Variants in SLC35G5 observed in about 807,000 individuals in gnomAD.
SLC35G5 encodes the protein solute carrier family 35 member G5.
A neutral mutation model predicts 17.6 loss-of-function variants in SLC35G5; 14 were observed. That is an observed-to-expected ratio of 0.79 (90% CI 0.52 to 1.24). The LOEUF (loss-of-function observed/expected upper bound fraction) is 1.24. Among genes scored for constraint, SLC35G5 ranks in the 50% most tolerant of loss-of-function variants. The probability of loss-of-function intolerance (pLI) is 0.00; values close to 1 mark genes in which losing one functional copy is unlikely to be tolerated. For synonymous variants in SLC35G5, 236 were observed against 194.9 expected (o/e 1.21, Z -1.76); for missense variants, 541 against 430.3 (o/e 1.26, Z -2.28).
In SLC35G5 at chr8:11,332,024, A is replaced by G. The variant is rs74495029; in HGVS notation, c.918A>G (p.Ala306=). ...ATTATATGCTCCATGAGACTGTGGC[A>G]CTTTCTGACATCATGGGGGCAGGGG... The part of the protein sequence containing the change: ...LQYYMLHETV[A]LSDIMGAGVV... The change falls in exon 1 of 1, where the codon GCA becomes GCG. Residue 306 remains alanine, a synonymous_variant. Coordinates refer to ENST00000382435, the MANE Select transcript of SLC35G5 (RefSeq NM_054028.2). 4 of 1,611,184 alleles carry G rather than the reference A, an allele frequency of 2.5e-6. No individual in the cohort carries two copies. The highest frequency in any genetic ancestry group is 3.4e-6 in the Non-Finnish European group (4 of 1,179,730).
At position 11,331,706 on chromosome 8, in the gene SLC35G5, C is replaced by T; in HGVS notation, c.600C>T (p.Gly200=). The T allele has an allele frequency of 8.8e-6, 14 of 1,595,044 alleles. No individual in the cohort carries two copies. Among genetic ancestry groups the T allele is most frequent in the Admixed American group, 1.7e-5 (1 of 59,406 alleles). ...TLGYVQAFLG[G]LALSLGLLVY... ...GCTATGTGCAGGCTTTCCTGGGAGG[C>T]CTGGCGCTGTCCCTGGGGCTTCTGG... The change falls in exon 1 of 1, where the codon GGC becomes GGT. Residue 200 remains glycine, a synonymous_variant. Transcript: ENST00000382435.
rs763548928 is a variant in SLC35G5 at position 11,331,507 on chromosome 8, G to A, written c.401G>A (p.Arg134His). ...VVPAGNAATV[R>H]KGSSTVCSAV... is the part of the protein sequence containing the mutation. ...CCCGCTGGCAACGCTGCCACTGTTC[G>A]CAAAGGTTCTTCCACCGTATGCTCC... is the stretch of plus-strand genomic sequence containing the variant. The change falls in exon 1 of 1, where the codon CGC becomes CAC. Residue 134 changes from arginine to histidine, a missense_variant. Physicochemically the swap from Arg to His is conservative, Grantham distance 29 (BLOSUM62 0). Coordinates refer to ENST00000382435, the MANE Select transcript of SLC35G5 (RefSeq NM_054028.2). The A allele has an allele frequency of 2.0e-5, 32 of 1,613,808 alleles. No homozygotes were observed. The highest frequency in any genetic ancestry group is 8.0e-5 in the African/African-American group (6 of 74,894).
Position 11,331,612 on chromosome 8 carries a change from T to A in SLC35G5, c.506T>A (p.Leu169Gln), listed in dbSNP as rs1174702556. The part of the protein sequence containing the change: ...WCGLLGSILG[L>Q]IIILGPGLWT... ...GGACTGTTGGGCAGCATCCTAGGAC[T>A]AATCATCATTCTGGGACCTGGACTC... The change falls in exon 1 of 1, where the codon CTA becomes CAA. Residue 169 changes from leucine to glutamine, a missense_variant. Leu to Gln is a moderately radical substitution (Grantham distance 113, BLOSUM62 -2). Coordinates refer to ENST00000382435, the MANE Select transcript of SLC35G5 (RefSeq NM_054028.2). The A allele has an allele frequency of 6.2e-7, 1 of 1,613,334 alleles. No individual in the cohort carries two copies. Among genetic ancestry groups the A allele is most frequent in the East Asian group, 2.2e-5 (1 of 44,854 alleles).
rs563824100 is a variant in SLC35G5 at position 11,331,182 on chromosome 8, C to T, written c.76C>T (p.Arg26Cys). The change falls in exon 1 of 1, where the codon CGC becomes TGC. Residue 26 changes from arginine to cysteine, a missense_variant. Coordinates refer to ENST00000382435, the MANE Select transcript of SLC35G5 (RefSeq NM_054028.2). ...GCCGCCCTCCGCTCCACCCAGCCTC[C>T]GCTGGCACCAGCGCTGCCAGCCCTC... is the stretch of plus-strand genomic sequence containing the variant. ...PSPPSAPPSL[R>C]WHQRCQPSGA... 3.3e-5 allele frequency: 53 copies of T among 1,613,706 alleles called. No homozygotes were observed. Among genetic ancestry groups the T allele is most frequent in the South Asian group, 7.7e-5 (7 of 91,038 alleles).
At position 11,331,494 on chromosome 8, in the gene SLC35G5, G is replaced by A. The variant is rs371988010; in HGVS notation, c.388G>A (p.Ala130Thr). The A allele has an allele frequency of 4.1e-5, 66 of 1,613,836 alleles. No homozygotes were observed. The African/African-American group carries it at 4.7e-4, about 11-fold the overall frequency. ...SAVQVVPAGN[A>T]ATVRKGSSTV... Reference sequence around the variant, plus strand: ...AGTTCAGGTGGTGCCCGCTGGCAACGCTGCCACTGTTCGCAAAGGTTCTTC... The same window carrying A: ...AGTTCAGGTGGTGCCCGCTGGCAACACTGCCACTGTTCGCAAAGGTTCTTC... The change falls in exon 1 of 1, where the codon GCT becomes ACT. Residue 130 changes from alanine to threonine, a missense_variant. By Grantham distance (58) the Ala-to-Thr change is moderately conservative (BLOSUM62 0). Coordinates refer to ENST00000382435, the MANE Select transcript of SLC35G5 (RefSeq NM_054028.2).
Position 11,332,245 on chromosome 8 carries a change from T to C in SLC35G5, c.*122T>C. 1.4e-6 allele frequency: 2 copies of C among 1,403,210 alleles called. No individual in the cohort carries two copies. 86.9% of individuals were successfully genotyped at this position (1,403,210 alleles called of 1,614,324 possible). On this transcript the variant is annotated 3_prime_UTR_variant, in exon 1 of 1. Transcript: ENST00000382435. Reference sequence around the variant, plus strand: ...TAAATCCTAGGAAAGAGTGAAAGTCTAACTTCCATAGCACATTATAATATT... The same window carrying C: ...TAAATCCTAGGAAAGAGTGAAAGTCCAACTTCCATAGCACATTATAATATT...
In SLC35G5 at chr8:11,331,135, T is replaced by A. The variant is rs1328699627; in HGVS notation, c.29T>A (p.Leu10Gln). 1 of 1,606,168 alleles carries A rather than the reference T, an allele frequency of 6.2e-7. No individual in the cohort carries two copies. The highest frequency in any genetic ancestry group is 8.5e-7 in the Non-Finnish European group (1 of 1,175,858). Residue 10 changes from leucine to glutamine, a missense_variant, in exon 1 of 1, where the codon CTG becomes CAG. Leu to Gln is a moderately radical substitution (Grantham distance 113). Coordinates refer to ENST00000382435, the MANE Select transcript of SLC35G5 (RefSeq NM_054028.2). MAGSHPYFN[L>Q]PDSTHPSPPS... Reference sequence around the variant, plus strand: ...GCTGGCAGTCACCCCTACTTCAACCTGCCTGACTCCACACACCCATCGCCG... The same window carrying A: ...GCTGGCAGTCACCCCTACTTCAACCAGCCTGACTCCACACACCCATCGCCG...
In SLC35G5 at chr8:11,331,710, GC is replaced by G. The variant is rs758403343; in HGVS notation, c.605del (p.Ala202GlyfsTer50). ...GYVQAFLGGL[A>X]LSLGLLVYRS... is the part of the protein sequence containing the mutation. ...TGTGCAGGCTTTCCTGGGAGGCCTG[GC>G]GCTGTCCCTGGGGCTTCTGGTCTAT... On this transcript the variant is annotated frameshift_variant, in exon 1 of 1. Coordinates refer to ENST00000382435, the MANE Select transcript of SLC35G5 (RefSeq NM_054028.2). LOFTEE classifies it high-confidence loss of function. The G allele has an allele frequency of 2.5e-6, 4 of 1,611,962 alleles. No homozygotes were observed. The highest frequency in any genetic ancestry group is 3.4e-6 in the Non-Finnish European group (4 of 1,179,840).
chr8:11,332,003 T>C lies in SLC35G5; in HGVS notation c.897T>C (p.Tyr299=), dbSNP rs1407087393. ...TTGTGGCCCTTATACTGCAGTATTATATGCTCCATGAGACTGTGGCACTTT... is the reference window on the plus strand; with the variant it reads ...TTGTGGCCCTTATACTGCAGTATTACATGCTCCATGAGACTGTGGCACTTT... ...EVVVALILQY[Y]MLHETVALSD... Residue 299 remains tyrosine, a synonymous_variant, in exon 1 of 1, where the codon TAT becomes TAC. Coordinates refer to ENST00000382435, the MANE Select transcript of SLC35G5 (RefSeq NM_054028.2). The C allele has an allele frequency of 7.4e-6, 12 of 1,611,904 alleles. No individual in the cohort carries two copies. Among genetic ancestry groups the C allele is most frequent in the Middle Eastern group, 2.3e-4 (1 of 4,430 alleles).
rs546560690 is a variant in SLC35G5, at chr8:11,331,686, G to A, written c.580G>A (p.Val194Met). 2.5e-6 allele frequency: 4 copies of A among 1,612,064 alleles called. No individual in the cohort carries two copies. The highest frequency in any genetic ancestry group is 2.7e-5 in the African/African-American group (2 of 74,978). Residue 194 changes from valine to methionine, a missense_variant, in exon 1 of 1, where the codon GTG becomes ATG. Coordinates refer to ENST00000382435, the MANE Select transcript of SLC35G5 (RefSeq NM_054028.2). ...TTGVYTTLGYVQAFLGGLALS... is the reference protein window; with the variant it reads ...TTGVYTTLGYMQAFLGGLALS... ...AGGTGTCTACACCACCCTGGGCTAT[G>A]TGCAGGCTTTCCTGGGAGGCCTGGC... is the stretch of plus-strand genomic sequence containing the variant.
Position 11,332,263 on chromosome 8 carries a change from A to T in SLC35G5, c.*140A>T. The T allele has an allele frequency of 1.5e-6, 2 of 1,328,886 alleles. No homozygotes were observed. The highest frequency in any genetic ancestry group is 2.0e-6 in the Non-Finnish European group (2 of 992,602). 82.3% of individuals were successfully genotyped at this position (1,328,886 alleles called of 1,614,324 possible). On this transcript the variant is annotated 3_prime_UTR_variant, in exon 1 of 1. Coordinates refer to ENST00000382435, the MANE Select transcript of SLC35G5 (RefSeq NM_054028.2). ...GAAAGTCTAACTTCCATAGCACATT[A>T]TAATATTGAGATGTTCAGTTATAAT...
Position 11,331,056 on chromosome 8 carries a change from G to A in SLC35G5, c.-51G>A. 4 of 1,547,104 alleles carry A rather than the reference G, an allele frequency of 2.6e-6. No homozygotes were observed. The highest frequency in any genetic ancestry group is 3.5e-6 in the Non-Finnish European group (4 of 1,151,596). ...ATGAGGTCACAATGGCTGGAGCTCT[G>A]AGGGGCCCAGGCTCCCTGAGCCAGG... On this transcript the variant is annotated 5_prime_UTR_variant, in exon 1 of 1. It removes the in-frame stop codon of an upstream open reading frame in the 5' UTR. Coordinates refer to ENST00000382435, the MANE Select transcript of SLC35G5 (RefSeq NM_054028.2).
chr8:11,331,031 A>C lies in SLC35G5; in HGVS notation c.-76A>C, dbSNP rs13253735. On this transcript the variant is annotated 5_prime_UTR_variant, in exon 1 of 1. It removes an upstream start codon present in the reference 5' UTR. Transcript: ENST00000382435. ...AGGGAAGAACCCCACCCGCACTCCAATGAGGTCACAATGGCTGGAGCTCTG... is the reference window on the plus strand; with the variant it reads ...AGGGAAGAACCCCACCCGCACTCCACTGAGGTCACAATGGCTGGAGCTCTG... 1 of 1,508,108 alleles carries C rather than the reference A, an allele frequency of 6.6e-7. No individual in the cohort carries two copies. Among genetic ancestry groups the C allele is most frequent in the Non-Finnish European group, 8.8e-7 (1 of 1,130,912 alleles). 93.4% of individuals were successfully genotyped at this position (1,508,108 alleles called of 1,614,324 possible). A position where few individuals can be genotyped will look rare whatever the true frequency, so the allele number is the denominator to read the frequency against.
chr8:11,331,429 C>T lies in SLC35G5; in HGVS notation c.323C>T (p.Ala108Val), dbSNP rs1266742027. The change falls in exon 1 of 1, where the codon GCC (alanine) becomes GTC (valine). Residue 108 changes from alanine to valine, a missense_variant. Transcript: ENST00000382435. ...PDIRGWACFCALLNVLSIGCA... is the reference protein window; with the variant it reads ...PDIRGWACFCVLLNVLSIGCA... Reference sequence around the variant, plus strand: ...ATCCGAGGCTGGGCCTGCTTCTGTGCCCTGCTCAACGTCCTCAGCATTGGA... The same window carrying T: ...ATCCGAGGCTGGGCCTGCTTCTGTGTCCTGCTCAACGTCCTCAGCATTGGA... 1 of 1,614,032 alleles carries T rather than the reference C, an allele frequency of 6.2e-7. No homozygotes were observed. The highest frequency in any genetic ancestry group is 8.5e-7 in the Non-Finnish European group (1 of 1,179,864).
In SLC35G5 at chr8:11,331,954, G is replaced by A; in HGVS notation, c.848G>A (p.Cys283Tyr). ...AVTKAHPALV[C>Y]AVLHSEVVVA... ...ACCAAGGCCCACCCTGCCCTGGTGT[G>A]CGCTGTCCTGCATTCCGAGGTGGTT... Residue 283 changes from cysteine (C) to tyrosine (Y), a missense_variant, in exon 1 of 1, where the codon TGC becomes TAC. Transcript: ENST00000382435. 6.2e-7 allele frequency: 1 copy of A among 1,611,984 alleles called. No homozygotes were observed. The highest frequency in any genetic ancestry group is 2.2e-5 in the East Asian group (1 of 44,886).
rs1801245094 is a variant in SLC35G5, at chr8:11,331,834, C to CG, written c.728_729insG (p.Val245ArgfsTer5). 1 of 1,611,776 alleles carries CG rather than the reference C, an allele frequency of 6.2e-7. No individual in the cohort carries two copies. Among genetic ancestry groups the CG allele is most frequent in the African/African-American group, 1.3e-5 (1 of 74,814 alleles). On this transcript the variant is annotated frameshift_variant, in exon 1 of 1. Coordinates refer to ENST00000382435, the MANE Select transcript of SLC35G5 (RefSeq NM_054028.2). LOFTEE classifies it high-confidence loss of function. ...GTGCCAGGCCTCTTTGTGCTGCAGACCCCCGTGTTGCCCAGTGACCTCCTG... is the reference window on the plus strand; with the variant it reads ...GTGCCAGGCCTCTTTGTGCTGCAGACGCCCCGTGTTGCCCAGTGACCTCCTG...
rs1428323451 is a variant in SLC35G5, at chr8:11,331,504, T to A, written c.398T>A (p.Val133Asp). The A allele has an allele frequency of 1.2e-6, 2 of 1,613,794 alleles. No individual in the cohort carries two copies. The highest frequency in any genetic ancestry group is 8.5e-7 in the Non-Finnish European group (1 of 1,179,860). ...QVVPAGNAAT[V>D]RKGSSTVCSA... ...GTGCCCGCTGGCAACGCTGCCACTG[T>A]TCGCAAAGGTTCTTCCACCGTATGC... Residue 133 changes from valine to aspartate, a missense_variant, in exon 1 of 1, where the codon GTT becomes GAT. By Grantham distance (152) the Val-to-Asp change is radical. Transcript: ENST00000382435.
rs1408705453 is a variant in SLC35G5, at chr8:11,331,543, C to T, written c.437C>T (p.Thr146Ile). The change falls in exon 1 of 1, where the codon ACC becomes ATC. Residue 146 changes from threonine to isoleucine, a missense_variant. Coordinates refer to ENST00000382435, the MANE Select transcript of SLC35G5 (RefSeq NM_054028.2). ...TCCACCGTATGCTCCGCTGTCCTCA[C>T]CCTCTGCCTTGAGAGCCAGGGTCTC... ...GSSTVCSAVLTLCLESQGLGG... is the reference protein window; with the variant it reads ...GSSTVCSAVLILCLESQGLGG... 6.2e-7 allele frequency: 1 copy of T among 1,613,842 alleles called. No individual in the cohort carries two copies. The highest frequency in any genetic ancestry group is 8.5e-7 in the Non-Finnish European group (1 of 1,179,846).
At position 11,331,816 on chromosome 8, in the gene SLC35G5, G is replaced by T; in HGVS notation, c.710G>T (p.Gly237Val). 6.2e-7 allele frequency: 1 copy of T among 1,611,904 alleles called. No individual in the cohort carries two copies. Among genetic ancestry groups the T allele is most frequent in the South Asian group, 1.1e-5 (1 of 90,984 alleles). Residue 237 changes from glycine to valine, a missense_variant, in exon 1 of 1, where the codon GGC becomes GTC. Transcript: ENST00000382435. ...GLVGLLGCVP[G>V]LFVLQTPVLP... ...GTGGGGCTGCTGGGCTGTGTGCCAG[G>T]CCTCTTTGTGCTGCAGACCCCCGTG...
Sources: gnomAD v4.1 joint callset for allele counts on GRCh38, gnomAD v4.1.1 for gene constraint, MANE v1.5 for transcripts, NCBI Gene and HGNC (gene_info 2026-07-23, HGNC 2026-07-21) for gene names.